The following NGEF variants were observed in gnomAD, a reference collection of about 807,000 sequenced individuals.
The protein encoded by NGEF is ephexin-1.
In NGEF, 31 loss-of-function variants were observed where a neutral mutation model predicts 80.9. That is an observed-to-expected ratio of 0.38 (90% CI 0.29 to 0.52). NGEF has a LOEUF of 0.52. Ranked by LOEUF, NGEF falls within the 20% of genes least tolerant of loss-of-function variation. The probability of loss-of-function intolerance (pLI) is 0.84; values close to 1 mark genes in which losing one functional copy is unlikely to be tolerated. For missense variants in NGEF, 709 were observed against 926.2 expected (o/e 0.77, Z 3.04); for synonymous variants, 371 against 370.2 (o/e 1.00, Z -0.03).
chr2:232,893,763 G>A (rs962276577), intron 6 of NGEF, among the ~76,000 whole-genome samples: 1 of 152,096 alleles, frequency 6.6e-6, no homozygotes, highest in Non-Finnish European at 1.5e-5. Context: ...CAAAAAGAGT[G>A]AAACTCTGTC....
At position 232,991,669 on chromosome 2, in the gene NGEF, C is replaced by G. The variant is rs79259220; in HGVS notation, c.-74-16705G>C. 8.5e-3 allele frequency among the ~76,000 whole-genome samples: 1,292 copies of G among 152,202 alleles called. 21 individuals are homozygous for G. Among genetic ancestry groups the G allele is most frequent in the African/African-American group, 0.03 (1,231 of 41,528 alleles). ...AATATTGTTAAGATGGCAATACTCT[C>G]CAAATTGATCTCCATATTCAACACG... is the stretch of plus-strand genomic sequence containing the variant. On this transcript the variant is annotated intron_variant, in intron 1 of 14. Transcript: ENST00000264051.
In NGEF at chr2:232,995,360, A is replaced by ATATGTG. The variant is rs1396176477; in HGVS notation, c.-75+17707_-75+17708insCACATA. Among the ~76,000 whole-genome samples, 2 of 15,786 alleles carry ATATGTG rather than the reference A, an allele frequency of 1.3e-4. 1 individual carries two copies. Among genetic ancestry groups the ATATGTG allele is most frequent in the African/African-American group, 9.4e-4 (2 of 2,124 alleles). The allele number at this position is 15,786 out of a possible 152,430, so 10.4% of individuals were successfully genotyped here. On this transcript the variant is annotated intron_variant, in intron 1 of 14. Transcript: ENST00000264051. ...ATACTATATACAGTATGTATACTGTATACTGTATATATATACACAGTATGT... is the reference window on the plus strand; with the variant it reads ...ATACTATATACAGTATGTATACTGTATATGTGTACTGTATATATATACACAGTATGT...
rs1691923054 is a variant in NGEF, at chr2:232,892,768, T to C, written c.1142+130A>G. The C allele has an allele frequency of 8.8e-6, 9 of 1,017,066 alleles. No homozygotes were observed. The East Asian group carries it at 2.2e-4, about 25-fold the overall frequency. 63.0% of individuals were successfully genotyped at this position (1,017,066 alleles called of 1,614,324 possible). A position where few individuals can be genotyped will look rare whatever the true frequency, so the allele number is the denominator to read the frequency against. On this transcript the variant is annotated intron_variant, in intron 7 of 14. Coordinates refer to ENST00000264051, the MANE Select transcript of NGEF (RefSeq NM_019850.3). The surrounding 1 kb of genome is among the most constrained non-coding windows in gnomAD (Gnocchi z 4.0). ...AGTATCCCTGGCCAACTCCGGTGGC[T>C]CATGTGGACCTTGGGAACGCAGAGG...
In NGEF at chr2:232,980,510, T is replaced by A. The variant is rs144416812; in HGVS notation, c.-74-5546A>T. Reference sequence around the variant, plus strand: ...AGACTGCATTTCTTTTTTCTTTTCTTTTTTTTTTGACAGAGTCTTGCTCTG... The same window carrying A: ...AGACTGCATTTCTTTTTTCTTTTCTATTTTTTTTGACAGAGTCTTGCTCTG... On this transcript the variant is annotated intron_variant, in intron 1 of 14. Coordinates refer to ENST00000264051, the MANE Select transcript of NGEF (RefSeq NM_019850.3). Among the ~76,000 whole-genome samples the A allele has an allele frequency of 3.4e-4, 51 of 151,104 alleles. No individual in the cohort carries two copies. The East Asian group carries it at 9.3e-3, about 28-fold the overall frequency.
intron 5 of NGEF, among the ~76,000 whole-genome samples, chr2:232,918,353 G>T (rs760657199): frequency 1.3e-5 from 2 of 152,008 alleles, no homozygotes; most frequent in African/African-American, 4.8e-5. Flanking sequence ...TGCCCACCCC[G>T]GCCTCCCAAA....
chr2:232,934,002 G>A (rs1407541422), intron 3 of NGEF, among the ~76,000 whole-genome samples: 4 of 152,298 alleles, frequency 2.6e-5, no homozygotes, highest in East Asian at 1.9e-4. Flanking sequence ...CCAGCACTTT[G>A]GGAGGCCGAG....
At chr2:232,930,323 TCTC>T (rs1325260374) in intron 3 of NGEF, among the ~76,000 whole-genome samples, 1 of 132,124 alleles carries the variant, frequency 7.6e-6, no homozygotes, top group African/African-American at 3.1e-5. Context: ...TCTCTCTCTC[TCTC>T]TTTTTTTTTT....
At chr2:232,962,356 G>C (rs1185264198) in intron 3 of NGEF, among the ~76,000 whole-genome samples, 1 of 152,168 alleles carries the variant, frequency 6.6e-6, no homozygotes, top group African/African-American at 2.4e-5. Flanking sequence ...GGTCAACATG[G>C]TGAAACCCTG....
chr2:232,926,900 A>G (rs1415220783), intron 4 of NGEF, 144 bp downstream of exon 4: 1 of 1,070,770 alleles, frequency 9.3e-7, no homozygotes, highest in Non-Finnish European at 1.4e-6. Context: ...ATTTAGAGCC[A>G]AACATGTCAA....
At chr2:232,939,175 CAAAA>C (rs60357492) in intron 3 of NGEF, among the ~76,000 whole-genome samples, 1 of 66,070 alleles carries the variant, frequency 1.5e-5, no homozygotes, top group Admixed American at 1.8e-4. Flanking sequence ...GACTCAGTCT[CAAAA>C]AAAAAAAAAA....
At chr2:232,993,169 T>G (rs1236208468) in intron 1 of NGEF, among the ~76,000 whole-genome samples, 3 of 94,980 alleles carry the variant, frequency 3.2e-5, no homozygotes, top group Admixed American at 2.0e-4. Flanking sequence ...ATATATATTA[T>G]ATATATAAAT....
intron 1 of NGEF, among the ~76,000 whole-genome samples, chr2:232,992,989 G>GTATA (rs142264252): frequency 1.2e-3 from 140 of 121,286 alleles, no homozygotes; most frequent in East Asian, 5.5e-3. Context: ...CCTGCCTGAA[G>GTATA]TATATATATA....
chr2:232,970,903 A>G (rs1336907715), intron 2 of NGEF, among the ~76,000 whole-genome samples: 1 of 152,262 alleles, frequency 6.6e-6, no homozygotes. Flanking sequence ...GGAAATAAGA[A>G]TACAAACCTG....
chr2:232,894,412 C>G (rs562287373), intron 6 of NGEF, among the ~76,000 whole-genome samples: 1 of 152,184 alleles, frequency 6.6e-6, no homozygotes, highest in Non-Finnish European at 1.5e-5. Flanking sequence ...ACAAGACTCC[C>G]GTGGACCTGC....
At position 232,879,427 on chromosome 2, in the gene NGEF, C is replaced by CA. The variant is rs969472554; in HGVS notation, c.*61_*62insT. 2.7e-5 allele frequency: 39 copies of CA among 1,439,152 alleles called. No individual in the cohort carries two copies. The highest frequency in any genetic ancestry group is 4.6e-5 in the East Asian group (2 of 43,408). 89.1% of individuals were successfully genotyped at this position (1,439,152 alleles called of 1,614,324 possible). On this transcript the variant is annotated 3_prime_UTR_variant, in exon 15 of 15. Coordinates refer to ENST00000264051, the MANE Select transcript of NGEF (RefSeq NM_019850.3). ...TGGCCTGTGCTTCCCAGAGCCCCCC[C>CA]CCCCCCACCTTCTGTCGGGGTCTCA...
At chr2:232,952,293 A>G (rs1164328208) in intron 3 of NGEF, among the ~76,000 whole-genome samples, 3 of 152,252 alleles carry the variant, frequency 2.0e-5, no homozygotes, top group Admixed American at 6.5e-5. Context: ...TCAGACTCCA[A>G]CAGATATCTA....
intron 5 of NGEF, chr2:232,905,772 G>T (rs1219082630): frequency 1.4e-4 from 50 of 368,866 alleles, no homozygotes; most frequent in African/African-American, 1.1e-3. Flanking sequence ...TGGGATGTGA[G>T]GAGACCCTCC....
intron 1 of NGEF, among the ~76,000 whole-genome samples, chr2:233,008,773 T>C (rs1695141232): frequency 6.6e-6 from 1 of 152,186 alleles, no homozygotes; most frequent in Non-Finnish European, 1.5e-5. Context: ...CTTTTTCCTT[T>C]TTTTAAAAAA....
At chr2:232,938,398 T>G (rs1693369978) in intron 3 of NGEF, among the ~76,000 whole-genome samples, 1 of 152,112 alleles carries the variant, frequency 6.6e-6, no homozygotes, top group South Asian at 2.1e-4. Context: ...AGATAACTCG[T>G]GGATAAGATG....
Sources: gnomAD v4.1 joint callset for allele counts (sites outside exome capture counted in the v4.1 genomes callset) on GRCh38, gnomAD v4.1.1 for gene constraint, Gnocchi (gnomAD v3.1) non-coding constraint, MANE v1.5 for transcripts, NCBI Gene and HGNC (gene_info 2026-07-23, HGNC 2026-07-21) for gene names.